Variants in NDUFV1 observed in about 807,000 individuals in gnomAD.
NDUFV1 encodes NADH:ubiquinone oxidoreductase core subunit V1.
Under a neutral mutation model 48.7 loss-of-function variants are expected in NDUFV1, and 41 were observed. The observed-to-expected ratio is 0.84, with a 90% CI of 0.66 to 1.09. NDUFV1 has a LOEUF of 1.09. Ranked by LOEUF, NDUFV1 falls within the 50% of genes least tolerant of loss-of-function variation. The pLI is 0.00. For synonymous variants in NDUFV1, 231 were observed against 259.1 expected, an observed-to-expected ratio of 0.89 and a Z score of 1.04; for missense variants, 580 against 645.4, an observed-to-expected ratio of 0.90 and a Z score of 1.10.
chr11:67,612,381 C>T lies in NDUFV1; in HGVS notation c.1318C>T (p.Arg440Cys), dbSNP rs142504598. Residue 440 changes from arginine to cysteine, a missense_variant, in exon 10 of 10, where the codon CGC (arginine) becomes TGC (cysteine). By Grantham distance (180) the Arg-to-Cys change is radical. Transcript: ENST00000322776. The surrounding 1 kb of genome is among the most constrained non-coding windows in gnomAD (Gnocchi z 4.4). ...GAAWPVQGLIRHFRPELEERM... is the reference protein window; with the variant it reads ...GAAWPVQGLICHFRPELEERM... ...CCCCCACCGACCCCAGGGTCTGATC[C>T]GCCACTTTCGGCCGGAGCTCGAGGA... 2.3e-5 allele frequency: 37 copies of T among 1,613,374 alleles called. No individual in the cohort carries two copies. Among genetic ancestry groups the T allele is most frequent in the African/African-American group, 1.7e-4 (13 of 75,044 alleles).
chr11:67,607,306 C>T, intron 1 of NDUFV1: 1 of 693,066 alleles, frequency 1.4e-6, no homozygotes, highest in South Asian at 1.5e-5. Flanking sequence ...CAGTCCTCGG[C>T]CTGGCGGAAG....
chr11:67,611,893 C>T lies in NDUFV1; in HGVS notation c.1081-4C>T. 1 of 1,614,010 alleles carries T rather than the reference C, an allele frequency of 6.2e-7. No individual in the cohort carries two copies. The highest frequency in any genetic ancestry group is 8.5e-7 in the Non-Finnish European group (1 of 1,179,982). ...GTGCCTGCTAATTGCCCCTCGTCACCCAGACGGACATCGTGAAAGCCATCG... is the reference window on the plus strand; with the variant it reads ...GTGCCTGCTAATTGCCCCTCGTCACTCAGACGGACATCGTGAAAGCCATCG... On this transcript the variant is annotated splice_region_variant and splice_polypyrimidine_tract_variant and intron_variant, in intron 7 of 9. Coordinates refer to ENST00000322776, the MANE Select transcript of NDUFV1 (RefSeq NM_007103.4). The surrounding 1 kb of genome is among the most constrained non-coding windows in gnomAD (Gnocchi z 4.2).
At position 67,608,424 on chromosome 11, in the gene NDUFV1, C is replaced by T. The variant is rs201727252; in HGVS notation, c.101C>T (p.Ser34Leu). Residue 34 changes from serine (S) to leucine (L), a missense_variant, in exon 2 of 10, where the codon TCG becomes TTG. Ser to Leu is a moderately radical substitution (Grantham distance 145). Transcript: ENST00000322776. Reference protein sequence around the residue: ...TTAPKKTSFGSLKDEDRIFTN... With the variant: ...TTAPKKTSFGLLKDEDRIFTN... ...GCACCCAAGAAAACCTCATTTGGCT[C>T]GCTGAAGGATGAAGACCGGATTTTC... 6.3e-5 allele frequency: 102 copies of T among 1,614,088 alleles called. No individual in the cohort carries two copies. The highest frequency in any genetic ancestry group is 3.5e-4 in the South Asian group (32 of 91,082).
At chr11:67,607,774 C>T (rs1854838641) in intron 1 of NDUFV1, among the ~76,000 whole-genome samples, 1 of 152,360 alleles carries the variant, frequency 6.6e-6, no homozygotes, top group South Asian at 2.1e-4. Context: ...CAAATTGGAC[C>T]TGCTGCTTTT....
chr11:67,611,884 C>T lies in NDUFV1; in HGVS notation c.1081-13C>T. 6.2e-7 allele frequency: 1 copy of T among 1,613,960 alleles called. No homozygotes were observed. Among genetic ancestry groups the T allele is most frequent in the African/African-American group, 1.3e-5 (1 of 74,996 alleles). On this transcript the variant is annotated splice_polypyrimidine_tract_variant and intron_variant, in intron 7 of 9. Coordinates refer to ENST00000322776, the MANE Select transcript of NDUFV1 (RefSeq NM_007103.4). This position sits in a 1 kb window ranked among gnomAD's most constrained non-coding sequence, Gnocchi z 4.2. Reference sequence around the variant, plus strand: ...TGGCCGTGGGTGCCTGCTAATTGCCCCTCGTCACCCAGACGGACATCGTGA... The same window carrying T: ...TGGCCGTGGGTGCCTGCTAATTGCCTCTCGTCACCCAGACGGACATCGTGA...
chr11:67,608,358 C>T, intron 1 of NDUFV1, 38 bp from the exon 2 acceptor site: 4 of 1,581,828 alleles, frequency 2.5e-6, no homozygotes, highest in Non-Finnish European at 2.6e-6. Flanking sequence ...CTCATGGCCC[C>T]AGAGCACTCT....
rs1243438667 is a variant in NDUFV1, at chr11:67,611,713, G to T, written c.1080+144G>T. ...GCAAGGTGGAAGAGGAGGGAGGAAG[G>T]CTGCTCTGAGGAGAATACCCCGGAG... On this transcript the variant is annotated intron_variant, in intron 7 of 9. Transcript: ENST00000322776. The surrounding 1 kb of genome is among the most constrained non-coding windows in gnomAD (Gnocchi z 4.2). The T allele has an allele frequency of 1.4e-6, 2 of 1,407,748 alleles. No homozygotes were observed. The highest frequency in any genetic ancestry group is 1.9e-6 in the Non-Finnish European group (2 of 1,026,062). The allele number at this position is 1,407,748 out of a possible 1,614,324, so 87.2% of individuals were successfully genotyped here.
Position 67,611,603 on chromosome 11 carries a change from C to T in NDUFV1, c.1080+34C>T. ...TCACACACCAGCCCTGGTCCCTGCCCTCCTGGTTGCTGTCTCCCTCCCTGG... is the reference window on the plus strand; with the variant it reads ...TCACACACCAGCCCTGGTCCCTGCCTTCCTGGTTGCTGTCTCCCTCCCTGG... On this transcript the variant is annotated intron_variant, in intron 7 of 9. Transcript: ENST00000322776. The surrounding 1 kb of genome is among the most constrained non-coding windows in gnomAD (Gnocchi z 4.2). 6.3e-7 allele frequency: 1 copy of T among 1,585,214 alleles called. No individual in the cohort carries two copies.
intron 3 of NDUFV1, among the ~76,000 whole-genome samples, chr11:67,609,191 G>A (rs897896369): frequency 6.6e-6 from 1 of 152,152 alleles, no homozygotes; most frequent in Non-Finnish European, 1.5e-5. Context: ...GGCTCTCAGG[G>A]GCAGACACAA....
rs758095599 is a variant in NDUFV1 at position 67,611,862 on chromosome 11, C to T, written c.1081-35C>T. The T allele has an allele frequency of 4.3e-6, 7 of 1,609,824 alleles. No individual in the cohort carries two copies. In the South Asian group the frequency reaches 6.6e-5, roughly 15 times the overall value. On this transcript the variant is annotated intron_variant, in intron 7 of 9. Transcript: ENST00000322776. This position sits in a 1 kb window ranked among gnomAD's most constrained non-coding sequence, Gnocchi z 4.2. ...GGCTGAGGCCCAGGCTTCTGTCTGG[C>T]CGTGGGTGCCTGCTAATTGCCCCTC...
rs891754024 is a variant in NDUFV1, at chr11:67,611,279, C to A, written c.913+72C>A. On this transcript the variant is annotated intron_variant, in intron 6 of 9. Transcript: ENST00000322776. The surrounding 1 kb of genome is among the most constrained non-coding windows in gnomAD (Gnocchi z 4.2). The stretch of plus-strand genomic sequence containing the variant: ...CAGGTGTCCACAAAGAGAGCCTGGG[C>A]GGGAGGGCTCAGGAGACGGGGCTGG... The A allele has an allele frequency of 1.9e-6, 3 of 1,591,466 alleles. No individual in the cohort carries two copies. In the Admixed American group the frequency reaches 5.1e-5, roughly 27 times the overall value.
In NDUFV1 at chr11:67,611,096, G is replaced by A; in HGVS notation, c.802G>A (p.Glu268Lys). The change falls in exon 6 of 10, where the codon GAA becomes AAA. Residue 268 changes from glutamate to lysine, a missense_variant. By Grantham distance (56) the Glu-to-Lys change is moderately conservative. Transcript: ENST00000322776. The surrounding 1 kb of genome is among the most constrained non-coding windows in gnomAD (Gnocchi z 4.2). Reference sequence around the variant, plus strand: ...TACCTGGTTTGCTGGCTTTGGCAGAGAACGCAACTCAGGCACCAAACTATT... The same window carrying A: ...TACCTGGTTTGCTGGCTTTGGCAGAAAACGCAACTCAGGCACCAAACTATT... ...GGTWFAGFGR[E>K]RNSGTKLFNI... The A allele has an allele frequency of 6.2e-7, 1 of 1,614,262 alleles. No homozygotes were observed. The highest frequency in any genetic ancestry group is 8.5e-7 in the Non-Finnish European group (1 of 1,180,052).
At position 67,611,606 on chromosome 11, in the gene NDUFV1, C is replaced by T. The variant is rs113060418; in HGVS notation, c.1080+37C>T. On this transcript the variant is annotated intron_variant, in intron 7 of 9. Coordinates refer to ENST00000322776, the MANE Select transcript of NDUFV1 (RefSeq NM_007103.4). This position sits in a 1 kb window ranked among gnomAD's most constrained non-coding sequence, Gnocchi z 4.2. ...CACACCAGCCCTGGTCCCTGCCCTC[C>T]TGGTTGCTGTCTCCCTCCCTGGGCC... 18 of 1,585,066 alleles carry T rather than the reference C, an allele frequency of 1.1e-5. No individual in the cohort carries two copies. In the African/African-American group the frequency reaches 1.3e-4, roughly 12 times the overall value.
chr11:67,611,341 G>A lies in NDUFV1; in HGVS notation c.914-62G>A. 1 of 1,603,376 alleles carries A rather than the reference G, an allele frequency of 6.2e-7. No homozygotes were observed. The highest frequency in any genetic ancestry group is 2.2e-5 in the East Asian group (1 of 44,732). ...GACTAAGGGCCTGGGCTCAGGACTAGGCAGGTGTGCCGGCCCCAGCCCTGA... is the reference window on the plus strand; with the variant it reads ...GACTAAGGGCCTGGGCTCAGGACTAAGCAGGTGTGCCGGCCCCAGCCCTGA... On this transcript the variant is annotated intron_variant, in intron 6 of 9. Transcript: ENST00000322776. This position sits in a 1 kb window ranked among gnomAD's most constrained non-coding sequence, Gnocchi z 4.2.
intron 5 of NDUFV1, 63 bp from the exon 6 acceptor site, chr11:67,610,932 T>A: frequency 2.6e-6 from 4 of 1,522,006 alleles, no homozygotes; most frequent in Non-Finnish European, 3.6e-6. Flanking sequence ...GGGACACACC[T>A]CCCTGCCAGG....
chr11:67,611,449 C>T lies in NDUFV1; in HGVS notation c.960C>T (p.Gly320=), dbSNP rs139894497. 1.9e-5 allele frequency: 30 copies of T among 1,613,976 alleles called. No individual in the cohort carries two copies. The East Asian group carries it at 2.9e-4, about 16-fold the overall frequency. Residue 320 remains glycine, a synonymous_variant, in exon 7 of 10, where the codon GGC becomes GGT. Coordinates refer to ENST00000322776, the MANE Select transcript of NDUFV1 (RefSeq NM_007103.4). This position sits in a 1 kb window ranked among gnomAD's most constrained non-coding sequence, Gnocchi z 4.2. ...GWDNLLAVIP[G]GSSTPLIPKS... is the part of the protein sequence containing the mutation. ...ACAACCTCCTTGCTGTGATCCCTGG[C>T]GGCTCGTCTACCCCACTGATCCCCA...
Position 67,611,714 on chromosome 11 carries a change from C to A in NDUFV1, c.1080+145C>A. ...CAAGGTGGAAGAGGAGGGAGGAAGG[C>A]TGCTCTGAGGAGAATACCCCGGAGT... On this transcript the variant is annotated intron_variant, in intron 7 of 9. Coordinates refer to ENST00000322776, the MANE Select transcript of NDUFV1 (RefSeq NM_007103.4). The surrounding 1 kb of genome is among the most constrained non-coding windows in gnomAD (Gnocchi z 4.2). 1 of 1,410,756 alleles carries A rather than the reference C, an allele frequency of 7.1e-7. No individual in the cohort carries two copies. The highest frequency in any genetic ancestry group is 9.7e-7 in the Non-Finnish European group (1 of 1,028,740). 87.4% of individuals were successfully genotyped at this position (1,410,756 alleles called of 1,614,324 possible).
Position 67,611,252 on chromosome 11 carries a change from G to T in NDUFV1, c.913+45G>T, listed in dbSNP as rs1854909896. On this transcript the variant is annotated intron_variant, in intron 6 of 9. Coordinates refer to ENST00000322776, the MANE Select transcript of NDUFV1 (RefSeq NM_007103.4). The surrounding 1 kb of genome is among the most constrained non-coding windows in gnomAD (Gnocchi z 4.2). ...AGGTGGTGGGGGGGTGCGCAGTGGG[G>T]GCAGGTGTCCACAAAGAGAGCCTGG... 12 of 1,558,672 alleles carry T rather than the reference G, an allele frequency of 7.7e-6. No homozygotes were observed. In the East Asian group the frequency reaches 2.7e-4, roughly 35 times the overall value.
rs370071397 is a variant in NDUFV1 at position 67,609,506 on chromosome 11, C to A, written c.381C>A (p.Asp127Glu). 1.2e-6 allele frequency: 2 copies of A among 1,613,770 alleles called. No homozygotes were observed. Among genetic ancestry groups the A allele is most frequent in the African/African-American group, 2.7e-5 (2 of 75,036 alleles). ...ADEGEPGTCK[D>E]REILRHDPHK... is the part of the protein sequence containing the mutation. ...AGGGGGAGCCGGGCACCTGCAAGGA[C>A]CGGGAGATCTTACGCCATGATCCTC... Residue 127 changes from aspartate (D) to glutamate (E), a missense_variant, in exon 4 of 10, where the codon GAC (aspartate) becomes GAA (glutamate). Coordinates refer to ENST00000322776, the MANE Select transcript of NDUFV1 (RefSeq NM_007103.4).
Sources: gnomAD v4.1 joint callset for allele counts (sites outside exome capture counted in the v4.1 genomes callset) on GRCh38, gnomAD v4.1.1 for gene constraint, Gnocchi (gnomAD v3.1) non-coding constraint, MANE v1.5 for transcripts, NCBI Gene and HGNC (gene_info 2026-07-23, HGNC 2026-07-21) for gene names.